STEAP3: variants seen among roughly 807,000 people sequenced by gnomAD.
The protein encoded by STEAP3 is metalloreductase STEAP3.
STEAP3 carries 35 observed loss-of-function variants against 34.9 expected under a neutral mutation model. The ratio of observed to expected loss-of-function variants is 1.00; its 90% confidence interval spans 0.76 to 1.33. STEAP3 has a LOEUF of 1.33. STEAP3 is among the 40% of genes most tolerant of loss of function. The probability of loss-of-function intolerance (pLI) is 0.00; values close to 1 mark genes in which losing one functional copy is unlikely to be tolerated. For missense variants in STEAP3, 652 were observed against 667.6 expected (o/e 0.98, Z 0.26); for synonymous variants, 281 against 301.6 (o/e 0.93, Z 0.71).
intron 1 of STEAP3, among the ~76,000 whole-genome samples, chr2:119,225,677 C>T (rs1250361480): frequency 6.6e-6 from 1 of 152,222 alleles, no homozygotes; most frequent in African/African-American, 2.4e-5. Flanking sequence ...GAGTGAAGTC[C>T]AAAGGCGCAC....
chr2:119,265,493 T>G lies in STEAP3; in HGVS notation c.*2155T>G, dbSNP rs2104860435. 6.6e-6 allele frequency: 1 copy of G among 152,212 alleles called. No individual in the cohort carries two copies. The highest frequency in any genetic ancestry group is 1.9e-4 in the East Asian group (1 of 5,178). 9.4% of individuals were successfully genotyped at this position (152,212 alleles called of 1,614,324 possible). A position where few individuals can be genotyped will look rare whatever the true frequency, so the allele number is the denominator to read the frequency against. On this transcript the variant is annotated 3_prime_UTR_variant, in exon 6 of 6. Coordinates refer to ENST00000393110, the MANE Select transcript of STEAP3 (RefSeq NM_182915.3). ...CAGCCTGGTAAATTCCATGTGCCTCTGGGTACAAAAGTGCCTCAACGACAT... is the reference window on the plus strand; with the variant it reads ...CAGCCTGGTAAATTCCATGTGCCTCGGGGTACAAAAGTGCCTCAACGACAT...
intron 2 of STEAP3, chr2:119,245,124 C>T: frequency 1.7e-5 from 4 of 233,002 alleles, no homozygotes; most frequent in Admixed American, 5.0e-5. Context: ...GCTAGTGACA[C>T]TGTCCATTGC....
intron 5 of STEAP3, among the ~76,000 whole-genome samples, chr2:119,258,639 A>G (rs1228732160): frequency 1.0e-4 from 11 of 110,520 alleles, no homozygotes; most frequent in African/African-American, 4.0e-4. Context: ...ACGGAGTCTC[A>G]CTCCGTCACC....
chr2:119,235,265 A>T (rs1293927184), intron 2 of STEAP3, among the ~76,000 whole-genome samples: 1 of 152,232 alleles, frequency 6.6e-6, no homozygotes, highest in Non-Finnish European at 1.5e-5. Flanking sequence ...AGCTCTGGGC[A>T]GCCAAGGGGT....
rs767974551 is a variant in STEAP3 at position 119,263,341 on chromosome 2, T to C, written c.*3T>C. The C allele has an allele frequency of 1.2e-6, 2 of 1,610,836 alleles. No individual in the cohort carries two copies. Among genetic ancestry groups the C allele is most frequent in the South Asian group, 2.2e-5 (2 of 90,594 alleles). On this transcript the variant is annotated 3_prime_UTR_variant, in exon 6 of 6. Transcript: ENST00000393110. ...CCGAGAAGACGAGCCACGTATGAGG[T>C]GCCTGCCCTGGGCTCTGGACCCCGG...
intron 2 of STEAP3, among the ~76,000 whole-genome samples, chr2:119,239,785 G>T (rs531445003): frequency 8.5e-5 from 13 of 152,140 alleles, no homozygotes; most frequent in Non-Finnish European, 1.8e-4. Context: ...CTCCCATGGG[G>T]CAAAGGTCTC....
At chr2:119,245,259 G>A (rs1290884916) in intron 2 of STEAP3, 1 of 528,060 alleles carries the variant, frequency 1.9e-6, no homozygotes, top group Non-Finnish European at 3.2e-6. Flanking sequence ...GAGGGACAAA[G>A]GGTGGAGGGC....
In STEAP3 at chr2:119,251,917, G is replaced by C. The variant is rs1004077952; in HGVS notation, c.1051-2767G>C. On this transcript the variant is annotated intron_variant, in intron 4 of 5. Transcript: ENST00000393110. ...CCCATACCTGCCTCTGTAATCTGTT[G>C]CATTTTGTAAATACTTTTTTATTAT... is the stretch of plus-strand genomic sequence containing the variant. 3.9e-5 allele frequency among the ~76,000 whole-genome samples: 6 copies of C among 152,214 alleles called. No homozygotes were observed. In the East Asian group the frequency reaches 1.2e-3, roughly 29 times the overall value.
In STEAP3 at chr2:119,231,007, A is replaced by C. The variant is rs1438137817; in HGVS notation, c.-6A>C. The C allele has an allele frequency of 6.2e-7, 1 of 1,614,232 alleles. No homozygotes were observed. On this transcript the variant is annotated 5_prime_UTR_variant, in exon 2 of 6. Coordinates refer to ENST00000393110, the MANE Select transcript of STEAP3 (RefSeq NM_182915.3). ...CCTGAGAGCCTCAGACCCTCACGTC[A>C]GCCGGATGTCGCACCAGCCTGCTGT...
At position 119,257,460 on chromosome 2, in the gene STEAP3, G is replaced by A. The variant is rs1286898125; in HGVS notation, c.1215+2612G>A. 3.9e-6 allele frequency: 6 copies of A among 1,525,796 alleles called. No individual in the cohort carries two copies. The East Asian group carries it at 7.6e-5, about 19-fold the overall frequency. 94.5% of individuals were successfully genotyped at this position (1,525,796 alleles called of 1,614,324 possible). On this transcript the variant is annotated intron_variant, in intron 5 of 5. Coordinates refer to ENST00000393110, the MANE Select transcript of STEAP3 (RefSeq NM_182915.3). ...CTGATAGGTGCGCATGCCGCAGTGT[G>A]TGGCAACTTCCAGTGCAGGAAACAC...
chr2:119,242,711 T>A (rs1271832762), intron 2 of STEAP3, among the ~76,000 whole-genome samples: 1 of 152,210 alleles, frequency 6.6e-6, no homozygotes, highest in Non-Finnish European at 1.5e-5. Context: ...TTGACTTATT[T>A]ACTCCTACAA....
chr2:119,235,658 G>A (rs1677073651), intron 2 of STEAP3, among the ~76,000 whole-genome samples: 1 of 152,238 alleles, frequency 6.6e-6, no homozygotes, highest in Non-Finnish European at 1.5e-5. Context: ...GCAAAAGTGA[G>A]TTTTACTTAG....
chr2:119,249,752 G>A (rs1180444935), intron 4 of STEAP3, among the ~76,000 whole-genome samples: 2 of 152,164 alleles, frequency 1.3e-5, no homozygotes, highest in Admixed American at 1.3e-4. Context: ...GCAGCTACTC[G>A]ACTGCCCTCG....
At chr2:119,252,235 T>G (rs1358090310) in intron 4 of STEAP3, among the ~76,000 whole-genome samples, 1 of 152,232 alleles carries the variant, frequency 6.6e-6, no homozygotes. Flanking sequence ...ATGCTTTTAG[T>G]CCTGCAGTAA....
intron 4 of STEAP3, among the ~76,000 whole-genome samples, chr2:119,249,248 A>G (rs1013356359): frequency 6.6e-6 from 1 of 151,722 alleles, no homozygotes; most frequent in Non-Finnish European, 1.5e-5. Flanking sequence ...GTTCCTGGGA[A>G]GTGGAGGACC....
intron 2 of STEAP3, among the ~76,000 whole-genome samples, chr2:119,236,971 T>C (rs1485646189): frequency 1.3e-5 from 2 of 152,200 alleles, no homozygotes; most frequent in Non-Finnish European, 2.9e-5. Context: ...TGGTACTGAT[T>C]ATATAAGCCT....
chr2:119,247,736 G>A lies in STEAP3; in HGVS notation c.580G>A (p.Ala194Thr), dbSNP rs17013371. Residue 194 changes from alanine to threonine, a missense_variant, in exon 4 of 6, where the codon GCC becomes ACC. Ala to Thr is a moderately conservative substitution (Grantham distance 58, BLOSUM62 0). Transcript: ENST00000393110. ...GCGTGCTGTCTCGGAGATGGCGCTC[G>A]CCATGGGCTTCATGCCCGTGGACAT... Reference protein sequence around the residue: ...AKRAVSEMALAMGFMPVDMGS... With the variant: ...AKRAVSEMALTMGFMPVDMGS... 39,009 of 1,586,578 alleles carry A rather than the reference G, an allele frequency of 0.025. 2,053 individuals carry two copies. The highest frequency in any genetic ancestry group is 0.21 in the African/African-American group (15,261 of 74,410).
At chr2:119,258,756 C>T (rs1412545736) in intron 5 of STEAP3, among the ~76,000 whole-genome samples, 47 of 149,712 alleles carry the variant, frequency 3.1e-4, no homozygotes, top group Non-Finnish European at 7.0e-4. Flanking sequence ...TACAGGCGCC[C>T]GGCACCACAC....
In STEAP3 at chr2:119,260,857, C is replaced by T. The variant is rs1206517447; in HGVS notation, c.1216-2200C>T. The stretch of plus-strand genomic sequence containing the variant: ...AGCCAATCGTGGCTTCCTCACTCTT[C>T]GTGGTGAGCCAGAAGTTGTTAAAGA... On this transcript the variant is annotated intron_variant, in intron 5 of 5. Coordinates refer to ENST00000393110, the MANE Select transcript of STEAP3 (RefSeq NM_182915.3). Among the ~76,000 whole-genome samples the T allele has an allele frequency of 9.9e-5, 15 of 152,094 alleles. 1 individual carries two copies. Among genetic ancestry groups the T allele is most frequent in the Admixed American group, 9.8e-4 (15 of 15,270 alleles).
Sources: gnomAD v4.1 joint callset for allele counts (sites outside exome capture counted in the v4.1 genomes callset) on GRCh38, gnomAD v4.1.1 for gene constraint, MANE v1.5 for transcripts, NCBI Gene and HGNC (gene_info 2026-07-23, HGNC 2026-07-21) for gene names.